The following TENM3 variants were observed in gnomAD, a reference collection of about 807,000 sequenced individuals.
TENM3 encodes the protein teneurin transmembrane protein 3, also known as teneurin-3.
TENM3 carries 63 observed loss-of-function variants against 255.1 expected under a neutral mutation model. The observed-to-expected ratio is 0.25, with a 90% confidence interval of 0.20 to 0.30. The LOEUF (loss-of-function observed/expected upper bound fraction) is 0.30, where lower values mean the gene tolerates loss of function less well. TENM3 is among the 10% of genes least tolerant of loss of function. The pLI is 1.00. For missense variants in TENM3, 2,929 were observed against 3,461.1 expected, an observed-to-expected ratio of 0.85 and a Z score of 3.86; for synonymous variants, 1,306 against 1,322.3, an observed-to-expected ratio of 0.99 and a Z score of 0.27.
At chr4:181,974,249 G>T in the TENM3 span, among the ~76,000 whole-genome samples, 1 of 152,130 alleles carries the variant, frequency 6.6e-6, no homozygotes, top group East Asian at 1.9e-4. Flanking sequence ...AGGCAAGAGT[G>T]CCTGGTATGG....
the TENM3 span, among the ~76,000 whole-genome samples, chr4:181,538,473 T>G: frequency 6.8e-6 from 1 of 147,536 alleles, no homozygotes; most frequent in East Asian, 2.0e-4. Context: ...GAGGGGGGCG[T>G]GGTGGTTAAT....
At chr4:181,972,337 C>G in the TENM3 span, among the ~76,000 whole-genome samples, 5 of 149,926 alleles carry the variant, frequency 3.3e-5, no homozygotes, top group Non-Finnish European at 3.0e-5. Context: ...GAGGATTACT[C>G]GAGCCAGAGA....
At chr4:182,490,475 C>T (rs1735184976) in intron 3 of TENM3, among the ~76,000 whole-genome samples, 1 of 152,022 alleles carries the variant, frequency 6.6e-6, no homozygotes, top group African/African-American at 2.4e-5. Flanking sequence ...TCAGTGCTCT[C>T]CTCTGCTGGG....
chr4:181,677,688 G>C, the TENM3 span, among the ~76,000 whole-genome samples: 2 of 152,070 alleles, frequency 1.3e-5, no homozygotes, highest in Non-Finnish European at 2.9e-5. Flanking sequence ...TCTTGTTTAA[G>C]AGAATTGAAT....
At chr4:181,736,374 A>G in the TENM3 span, among the ~76,000 whole-genome samples, 4 of 152,178 alleles carry the variant, frequency 2.6e-5, no homozygotes, top group Non-Finnish European at 4.4e-5. Flanking sequence ...TTGTCACACA[A>G]TAATAAACCT....
the TENM3 span, among the ~76,000 whole-genome samples, chr4:181,703,958 T>A: frequency 6.6e-6 from 1 of 152,318 alleles, no homozygotes; most frequent in South Asian, 2.1e-4. Flanking sequence ...GATAAAGGCT[T>A]GTCCCAGGCA....
the TENM3 span, among the ~76,000 whole-genome samples, chr4:182,100,466 T>TAC: frequency 3.7e-5 from 4 of 107,230 alleles, no homozygotes; most frequent in African/African-American, 1.1e-4. Flanking sequence ...TATATATATA[T>TAC]ACACACACAC....
intron 1 of TENM3, among the ~76,000 whole-genome samples, chr4:182,314,984 T>C (rs1762669066): frequency 6.6e-6 from 1 of 152,232 alleles, no homozygotes; most frequent in African/African-American, 2.4e-5. Flanking sequence ...GTTTAAACTG[T>C]ATATCTTTAA....
chr4:182,624,656 C>G (rs1581140081), intron 4 of TENM3, among the ~76,000 whole-genome samples: 1 of 152,120 alleles, frequency 6.6e-6, no homozygotes, highest in Non-Finnish European at 1.5e-5. Flanking sequence ...CATTTTTCTC[C>G]CCAGTCCACT....
the TENM3 span, among the ~76,000 whole-genome samples, chr4:181,780,665 C>G: frequency 6.6e-6 from 1 of 152,174 alleles, no homozygotes; most frequent in African/African-American, 2.4e-5. Context: ...TCAATTTTGG[C>G]TTTTGTTGCT....
At chr4:182,026,352 C>T in the TENM3 span, among the ~76,000 whole-genome samples, 31 of 152,002 alleles carry the variant, frequency 2.0e-4, no homozygotes, top group South Asian at 4.2e-4. Flanking sequence ...TTATATATTC[C>T]GATCATGAAT....
At chr4:182,099,211 A>T in the TENM3 span, among the ~76,000 whole-genome samples, 3 of 151,892 alleles carry the variant, frequency 2.0e-5, no homozygotes, top group Non-Finnish European at 4.4e-5. Flanking sequence ...CAGTCCACCC[A>T]CCTTGGCCTC....
chr4:182,277,322 A>C (rs11938020), intron 1 of TENM3, among the ~76,000 whole-genome samples: 2,870 of 151,690 alleles, frequency 0.019, 89 homozygotes, highest in African/African-American at 0.062. Flanking sequence ...ATGTTAGGCA[A>C]GTATGTTCAC....
chr4:182,240,486 G>A (rs7669106), upstream of TENM3, among the ~76,000 whole-genome samples: 75,737 of 152,078 alleles, frequency 0.5, 21,274 homozygotes, highest in African/African-American at 0.76. Context: ...TGCTGAATAC[G>A]TTGTGAAACT....
chr4:181,819,337 A>G, the TENM3 span, among the ~76,000 whole-genome samples: 1 of 152,218 alleles, frequency 6.6e-6, no homozygotes, highest in East Asian at 1.9e-4. Context: ...GTTAATTAGA[A>G]GTTCCATAGA....
the TENM3 span, among the ~76,000 whole-genome samples, chr4:181,782,156 C>T: frequency 6.6e-6 from 1 of 152,160 alleles, no homozygotes; most frequent in Admixed American, 6.5e-5. Context: ...GGGAGGATTC[C>T]CTCTTTTTCT....
At chr4:182,075,832 C>T in the TENM3 span, among the ~76,000 whole-genome samples, 11 of 152,252 alleles carry the variant, frequency 7.2e-5, no homozygotes, top group Non-Finnish European at 1.6e-4. Context: ...AACCTGTGGC[C>T]CAGACTGGAA....
chr4:182,663,607 A>G (rs1291087654), intron 6 of TENM3, among the ~76,000 whole-genome samples: 4 of 152,194 alleles, frequency 2.6e-5, no homozygotes, highest in Non-Finnish European at 5.9e-5. Flanking sequence ...ATAAAACAAA[A>G]TTCAGTTTCA....
chr4:182,377,185 C>G (rs1252718674), intron 3 of TENM3, among the ~76,000 whole-genome samples: 1 of 152,210 alleles, frequency 6.6e-6, no homozygotes, highest in African/African-American at 2.4e-5. Flanking sequence ...AAAATTAAAA[C>G]AACTGTGTTC....
Sources: allele counts gnomAD v4.1 joint callset (sites outside exome capture counted in the v4.1 genomes callset), GRCh38; gene constraint gnomAD v4.1.1; transcripts MANE v1.5; gene names NCBI Gene and HGNC (gene_info 2026-07-23, HGNC 2026-07-21).